Variants in PRPH2 observed in about 807,000 individuals in gnomAD.
PRPH2 encodes peripherin-2.
PRPH2 carries 17 observed loss-of-function variants against 31.3 expected under a neutral mutation model. The ratio of observed to expected loss-of-function variants is 0.54; its 90% CI spans 0.37 to 0.81. PRPH2 has a LOEUF of 0.81. Among genes scored for constraint, PRPH2 ranks in the 40% least tolerant of loss-of-function variants. PRPH2 has a pLI of 0.00. For synonymous variants in PRPH2, 165 were observed against 184.4 expected (o/e 0.89, Z 0.85); for missense variants, 430 against 439.7 (o/e 0.98, Z 0.20).
intron 1 of PRPH2, 89 bp from the exon 2 acceptor site, chr6:42,704,700 AAT>A: frequency 2.5e-6 from 4 of 1,576,812 alleles, no homozygotes; most frequent in South Asian, 1.1e-5. Flanking sequence ...GGAAACCTAG[AAT>A]AGTCATTCAC....
intron 1 of PRPH2, among the ~76,000 whole-genome samples, chr6:42,717,538 C>T (rs945338171): frequency 4.6e-5 from 7 of 152,220 alleles, no homozygotes; most frequent in African/African-American, 1.7e-4. Flanking sequence ...CTTACCATTT[C>T]TCAGTGCTTG....
intron 1 of PRPH2, among the ~76,000 whole-genome samples, chr6:42,710,627 G>T (rs567107031): frequency 6.6e-6 from 1 of 152,184 alleles, no homozygotes; most frequent in Non-Finnish European, 1.5e-5. Flanking sequence ...CACTCTGCGC[G>T]GAAGGGGCCG....
At chr6:42,716,763 G>C (rs1761790916) in intron 1 of PRPH2, among the ~76,000 whole-genome samples, 1 of 150,550 alleles carries the variant, frequency 6.6e-6, no homozygotes, top group East Asian at 2.0e-4. Context: ...TGGGATTATA[G>C]GTGTGTGCCA....
At chr6:42,710,578 G>A (rs1800257777) in intron 1 of PRPH2, among the ~76,000 whole-genome samples, 1 of 152,136 alleles carries the variant, frequency 6.6e-6, no homozygotes, top group Non-Finnish European at 1.5e-5. Context: ...TGGTGAGCCG[G>A]CTATTTATAT....
intron 1 of PRPH2, among the ~76,000 whole-genome samples, chr6:42,712,730 T>C (rs1320129108): frequency 6.6e-6 from 1 of 151,906 alleles, no homozygotes; most frequent in Non-Finnish European, 1.5e-5. Context: ...TTTTTCCTTT[T>C]TTTTTTAGAG....
At chr6:42,719,260 C>G (rs912167010) in intron 1 of PRPH2, among the ~76,000 whole-genome samples, 2 of 151,508 alleles carry the variant, frequency 1.3e-5, no homozygotes, top group African/African-American at 4.9e-5. Flanking sequence ...CCCCCGCCTC[C>G]CTGCTTCTCT....
intron 1 of PRPH2, among the ~76,000 whole-genome samples, chr6:42,719,729 C>T (rs1300079701): frequency 6.6e-6 from 1 of 151,588 alleles, no homozygotes; most frequent in Non-Finnish European, 1.5e-5. Flanking sequence ...ATCACCATGC[C>T]CGGCTAATTT....
At chr6:42,705,627 T>TATATATATATATAC (rs1800149038) in intron 1 of PRPH2, among the ~76,000 whole-genome samples, 1 of 128,078 alleles carries the variant, frequency 7.8e-6, no homozygotes, top group African/African-American at 2.8e-5. Flanking sequence ...TATATATATA[T>TATATATATATATAC]ATATTTGTGC....
chr6:42,701,722 G>T (rs1800049114), intron 2 of PRPH2, among the ~76,000 whole-genome samples: 1 of 111,538 alleles, frequency 9.0e-6, no homozygotes, highest in African/African-American at 3.4e-5. Flanking sequence ...TAGAGATGAG[G>T]GCTCACTATG....
At position 42,721,790 on chromosome 6, in the gene PRPH2, T is replaced by C; in HGVS notation, c.545A>G (p.Asn182Ser). ...RDWFEIQWIS[N>S]RYLDFSSKEV... ...TTTGGAGGAAAAGTCCAGGTAGCGA[T>C]TGCTGATCCACTGAATCTCAAACCA... is the stretch of plus-strand genomic sequence containing the variant. The change falls in exon 1 of 3, where the codon AAT becomes AGT. Residue 182 changes from asparagine (N) to serine (S), a missense_variant. Coordinates refer to ENST00000230381, the MANE Select transcript of PRPH2 (RefSeq NM_000322.5). 1 of 1,614,228 alleles carries C rather than the reference T, an allele frequency of 6.2e-7. No individual in the cohort carries two copies. Among genetic ancestry groups the C allele is most frequent in the East Asian group, 2.2e-5 (1 of 44,890 alleles).
intron 2 of PRPH2, among the ~76,000 whole-genome samples, chr6:42,701,110 GA>G (rs1191652319): frequency 6.6e-6 from 1 of 151,562 alleles, no homozygotes; most frequent in Admixed American, 6.6e-5. Context: ...GAGGATCCAG[GA>G]CTACATGTGT....
chr6:42,705,599 A>AAAATATAT (rs1562424252), intron 1 of PRPH2, among the ~76,000 whole-genome samples: 1 of 21,590 alleles, frequency 4.6e-5, no homozygotes, highest in Non-Finnish European at 8.4e-5. Context: ...AAAAAAAAAA[A>AAAATATAT]ATATATATAT....
intron 1 of PRPH2, among the ~76,000 whole-genome samples, chr6:42,718,108 G>A (rs943969768): frequency 6.6e-6 from 1 of 152,090 alleles, no homozygotes; most frequent in Non-Finnish European, 1.5e-5. Flanking sequence ...AGGAGTTTGA[G>A]ACCAGCCTGA....
chr6:42,703,064 A>G (rs184160228), intron 2 of PRPH2, among the ~76,000 whole-genome samples: 1 of 151,556 alleles, frequency 6.6e-6, no homozygotes, highest in East Asian at 2.0e-4. Flanking sequence ...GCTACTCTGC[A>G]TGTGCCTATA....
chr6:42,704,338 T>C, intron 2 of PRPH2, 27 bp downstream of exon 2: 1 of 1,601,004 alleles, frequency 6.2e-7, no homozygotes, highest in Non-Finnish European at 8.5e-7. Context: ...CTCCTTACCC[T>C]CTACCCCCAG....
chr6:42,705,574 TAAAAAAAAAAAAAA>T (rs1186158334), intron 1 of PRPH2, among the ~76,000 whole-genome samples: 9 of 22,268 alleles, frequency 4.0e-4, no homozygotes, highest in African/African-American at 6.3e-4. Flanking sequence ...AGACTTTCTC[TAAAAAAAAAAAAAA>T]AAAAAAAAAA....
intron 1 of PRPH2, among the ~76,000 whole-genome samples, chr6:42,705,677 C>A (rs1800150067): frequency 7.2e-6 from 1 of 139,140 alleles, no homozygotes; most frequent in South Asian, 2.3e-4. Context: ...AAAGTTGCAG[C>A]CAGGCGCGGT....
rs1161769235 is a variant in PRPH2 at position 42,716,962 on chromosome 6, C to CTTTT, written c.581+4788_581+4791dup. The stretch of plus-strand genomic sequence containing the variant: ...TTCTTTTCTTTTCTTTCTTTCTTTT[C>CTTTT]TTTTTTTTTTTTTTTTTTTTTTTTG... On this transcript the variant is annotated intron_variant, in intron 1 of 2. Transcript: ENST00000230381. Among the ~76,000 whole-genome samples the CTTTT allele has an allele frequency of 2.4e-3, 107 of 45,208 alleles. 3 individuals are homozygous for CTTTT. The highest frequency in any genetic ancestry group is 8.8e-3 in the African/African-American group (92 of 10,442). 29.7% of individuals were successfully genotyped at this position (45,208 alleles called of 152,430 possible).
chr6:42,698,942 C>T (rs1178875456), intron 2 of PRPH2, among the ~76,000 whole-genome samples: 3 of 152,050 alleles, frequency 2.0e-5, no homozygotes, highest in Admixed American at 2.0e-4. Flanking sequence ...TCCTGGGTGC[C>T]TTCACCTCTA....
Sources: allele counts gnomAD v4.1 joint callset (sites outside exome capture counted in the v4.1 genomes callset), GRCh38; gene constraint gnomAD v4.1.1; transcripts MANE v1.5; gene names NCBI Gene and HGNC (gene_info 2026-07-23, HGNC 2026-07-21).